Variants in SEMA3E observed in about 807,000 individuals in gnomAD.
SEMA3E encodes the protein semaphorin-3E.
A neutral mutation model predicts 93.6 loss-of-function variants in SEMA3E; 49 were observed. The observed-to-expected ratio is 0.52, with a 90% CI of 0.42 to 0.66. SEMA3E has a LOEUF of 0.66. Among genes scored for constraint, SEMA3E ranks in the 30% least tolerant of loss-of-function variants. The pLI, the probability that SEMA3E is intolerant of heterozygous loss-of-function variation, is 0.00. For missense variants in SEMA3E, 906 were observed against 964.8 expected, an observed-to-expected ratio of 0.94 and a Z score of 0.81; for synonymous variants, 363 against 330.7, an observed-to-expected ratio of 1.10 and a Z score of -1.06.
chr7:83,615,705 A>G (rs957433271), intron 1 of SEMA3E, among the ~76,000 whole-genome samples: 8 of 152,160 alleles, frequency 5.3e-5, no homozygotes, highest in Non-Finnish European at 1.2e-4. Flanking sequence ...CTAAATGCAG[A>G]TTATAGCAAC....
chr7:83,624,704 G>T (rs576465127), intron 1 of SEMA3E, among the ~76,000 whole-genome samples: 105 of 152,152 alleles, frequency 6.9e-4, no homozygotes, highest in African/African-American at 2.2e-3. Flanking sequence ...AGTTTATTTT[G>T]CTGTGCAGAA....
chr7:83,597,907 T>C (rs1172270894), intron 1 of SEMA3E, among the ~76,000 whole-genome samples: 4 of 152,166 alleles, frequency 2.6e-5, no homozygotes, highest in African/African-American at 9.7e-5. Flanking sequence ...TATGTATAGG[T>C]ATACAAGAAT....
intron 1 of SEMA3E, among the ~76,000 whole-genome samples, chr7:83,536,385 T>A (rs1018157055): frequency 1.3e-5 from 2 of 152,120 alleles, no homozygotes; most frequent in Non-Finnish European, 2.9e-5. Flanking sequence ...AACAATTTTT[T>A]AAAATAGTAC....
At chr7:83,480,064 A>G (rs181144194) in intron 2 of SEMA3E, among the ~76,000 whole-genome samples, 23 of 152,334 alleles carry the variant, frequency 1.5e-4, no homozygotes, top group African/African-American at 5.5e-4. Context: ...AAATCTTACC[A>G]TGCATAATAT....
At chr7:83,604,602 C>CAT (rs980548617) in intron 1 of SEMA3E, among the ~76,000 whole-genome samples, 13 of 150,872 alleles carry the variant, frequency 8.6e-5, no homozygotes, top group South Asian at 4.2e-4. Flanking sequence ...TACACACACA[C>CAT]ATATATATAT....
chr7:83,433,017 T>G (rs1788923454), intron 4 of SEMA3E, among the ~76,000 whole-genome samples: 1 of 152,060 alleles, frequency 6.6e-6, no homozygotes, highest in Non-Finnish European at 1.5e-5. Context: ...ATTTGATATC[T>G]TTCTGAGTGT....
intron 1 of SEMA3E, among the ~76,000 whole-genome samples, chr7:83,631,415 AT>A (rs1793782670): frequency 6.6e-6 from 1 of 151,758 alleles, no homozygotes; most frequent in Non-Finnish European, 1.5e-5. Context: ...AAATACTGAC[AT>A]TTTAGATAAA....
At chr7:83,504,904 T>G (rs1249333329) in intron 1 of SEMA3E, among the ~76,000 whole-genome samples, 1 of 152,190 alleles carries the variant, frequency 6.6e-6, no homozygotes, top group Non-Finnish European at 1.5e-5. Flanking sequence ...GCTTCTATTT[T>G]ACAAATTAGA....
intron 4 of SEMA3E, among the ~76,000 whole-genome samples, chr7:83,463,980 G>T (rs1236681312): frequency 6.6e-6 from 1 of 152,078 alleles, no homozygotes; most frequent in East Asian, 1.9e-4. Flanking sequence ...TTTCTACAGG[G>T]TCTGAGAAGG....
chr7:83,518,481 T>C (rs563596126), intron 1 of SEMA3E, among the ~76,000 whole-genome samples: 1 of 152,214 alleles, frequency 6.6e-6, no homozygotes, highest in Admixed American at 6.6e-5. Context: ...TTGGTTTCAG[T>C]CTAATGTGGG....
At chr7:83,523,252 C>T (rs1791085559) in intron 1 of SEMA3E, among the ~76,000 whole-genome samples, 1 of 151,994 alleles carries the variant, frequency 6.6e-6, no homozygotes, top group South Asian at 2.1e-4. Flanking sequence ...TGAACTTGAC[C>T]TTTGTTGAGT....
chr7:83,648,467 C>CT lies in SEMA3E; in HGVS notation c.75dup (p.Ala26SerfsTer2). ...CGTAACCGGGGGTGGGTAGTATCAGCTGTATGACCTCCTGTCCAAAGCTCC... is the reference window on the plus strand; with the variant it reads ...CGTAACCGGGGGTGGGTAGTATCAGCTTGTATGACCTCCTGTCCAAAGCTCC... On this transcript the variant is annotated frameshift_variant, in exon 1 of 17. Transcript: ENST00000643230. LOFTEE classifies it high-confidence loss of function. 6.2e-7 allele frequency: 1 copy of CT among 1,611,082 alleles called. No individual in the cohort carries two copies. Among genetic ancestry groups the CT allele is most frequent in the Non-Finnish European group, 8.5e-7 (1 of 1,179,636 alleles).
In SEMA3E at chr7:83,367,390, A is replaced by T. The variant is rs3801661; in HGVS notation, c.*196T>A. The T allele has an allele frequency of 0.1, 59,623 of 595,034 alleles. 3,207 individuals carry two copies. Among genetic ancestry groups the T allele is most frequent in the Middle Eastern group, 0.16 (349 of 2,192 alleles). 36.9% of individuals were successfully genotyped at this position (595,034 alleles called of 1,614,324 possible). ...AAACCATTAAGCAATGCATTTATTTAAAAAATTAGTTAATTTTATGTAAAG... is the reference window on the plus strand; with the variant it reads ...AAACCATTAAGCAATGCATTTATTTTAAAAATTAGTTAATTTTATGTAAAG... On this transcript the variant is annotated 3_prime_UTR_variant, in exon 17 of 17. Coordinates refer to ENST00000643230, the MANE Select transcript of SEMA3E (RefSeq NM_012431.3).
chr7:83,555,194 C>T (rs17157803), intron 1 of SEMA3E, among the ~76,000 whole-genome samples: 1 of 151,934 alleles, frequency 6.6e-6, no homozygotes, highest in African/African-American at 2.4e-5. Context: ...TAAAAATTCG[C>T]CCTGACCTGA....
At chr7:83,621,648 T>C (rs907866338) in intron 1 of SEMA3E, among the ~76,000 whole-genome samples, 2 of 152,054 alleles carry the variant, frequency 1.3e-5, no homozygotes, top group African/African-American at 4.8e-5. Context: ...AACAGACACA[T>C]TGACCGATGG....
chr7:83,405,345 A>G (rs1485516900), intron 9 of SEMA3E, 105 bp downstream of exon 9: 6 of 798,554 alleles, frequency 7.5e-6, no homozygotes, highest in African/African-American at 6.8e-5. Flanking sequence ...AAATGAGAAG[A>G]GCAACTGGGT....
chr7:83,556,886 T>A (rs1185155355), intron 1 of SEMA3E, among the ~76,000 whole-genome samples: 1 of 152,122 alleles, frequency 6.6e-6, no homozygotes, highest in Non-Finnish European at 1.5e-5. Flanking sequence ...CCCTTTTACC[T>A]TTCCATCCTC....
At chr7:83,435,759 T>C (rs1162833208) in intron 4 of SEMA3E, among the ~76,000 whole-genome samples, 29 of 152,214 alleles carry the variant, frequency 1.9e-4, no homozygotes, top group Admixed American at 1.9e-3. Context: ...CTATAGTTAG[T>C]TAGCAATATT....
rs550376024 is a variant in SEMA3E at position 83,594,458 on chromosome 7, T to C, written c.115+53970A>G. Among the ~76,000 whole-genome samples, 96 of 152,162 alleles carry C rather than the reference T, an allele frequency of 6.3e-4. No individual in the cohort carries two copies. The South Asian group carries it at 7.9e-3, about 13-fold the overall frequency. On this transcript the variant is annotated intron_variant, in intron 1 of 16. Coordinates refer to ENST00000643230, the MANE Select transcript of SEMA3E (RefSeq NM_012431.3). ...AGTGGAAAAGGATCAGACTAATCAG[T>C]GCTGGAATTTAAAGGACTGATAAGT...
Sources: allele counts gnomAD v4.1 joint callset (sites outside exome capture counted in the v4.1 genomes callset), GRCh38; gene constraint gnomAD v4.1.1; transcripts MANE v1.5; gene names NCBI Gene and HGNC (gene_info 2026-07-23, HGNC 2026-07-21).